PLAG1: variants seen among roughly 807,000 people sequenced by gnomAD.
The protein encoded by PLAG1 is PLAG1 zinc finger.
PLAG1 carries 7 observed loss-of-function variants against 35.5 expected under a neutral mutation model. That is an observed-to-expected ratio of 0.20 (90% CI 0.11 to 0.37). PLAG1 has a LOEUF of 0.37. Among genes scored for constraint, PLAG1 ranks in the 10% least tolerant of loss-of-function variants. The pLI, the probability that PLAG1 is intolerant of heterozygous loss-of-function variation, is 1.00. For missense variants in PLAG1, 454 were observed against 602.8 expected (o/e 0.75, Z 2.58); for synonymous variants, 229 against 225.4 (o/e 1.02, Z -0.14).
At chr8:56,193,706 T>C (rs1812258966) in intron 1 of PLAG1, among the ~76,000 whole-genome samples, 1 of 150,802 alleles carries the variant, frequency 6.6e-6, no homozygotes, top group Non-Finnish European at 1.5e-5. Context: ...TTTTTTTTTT[T>C]TTTTTTTTTG....
chr8:56,189,301 A>G (rs182487943), intron 1 of PLAG1, among the ~76,000 whole-genome samples: 12 of 152,308 alleles, frequency 7.9e-5, no homozygotes, highest in African/African-American at 2.4e-4. Flanking sequence ...TCCTGCAATC[A>G]AGAAGACATT....
At position 56,167,880 on chromosome 8, in the gene PLAG1, C is replaced by A; in HGVS notation, c.242+148G>T. 1.8e-6 allele frequency: 1 copy of A among 552,106 alleles called. No individual in the cohort carries two copies. The allele number at this position is 552,106 out of a possible 1,614,324, so 34.2% of individuals were successfully genotyped here. A position where few individuals can be genotyped will look rare whatever the true frequency, so the allele number is the denominator to read the frequency against. On this transcript the variant is annotated intron_variant, in intron 4 of 4. Transcript: ENST00000316981. The surrounding 1 kb of genome is among the most constrained non-coding windows in gnomAD (Gnocchi z 5.9). ...ACATAAAAGTATGTGATTTAGAATA[C>A]TAAAAACTAAACCAATGTCTAATCT...
At chr8:56,170,566 T>C (rs946483993) in intron 3 of PLAG1, among the ~76,000 whole-genome samples, 2 of 152,232 alleles carry the variant, frequency 1.3e-5, no homozygotes, top group Non-Finnish European at 2.9e-5. Context: ...CATTTCCCAA[T>C]TGCAGAATCT....
Position 56,165,998 on chromosome 8 carries a change from A to ATG in PLAG1, c.*244_*245insCA. The ATG allele has an allele frequency of 3.6e-6, 1 of 276,894 alleles. No individual in the cohort carries two copies. 17.2% of individuals were successfully genotyped at this position (276,894 alleles called of 1,614,324 possible). Reference sequence around the variant, plus strand: ...TAATGGCTTTCCTATATGGAAAAAAAAAAGTCTTAAAATGTGACAATTGGC... The same window carrying ATG: ...TAATGGCTTTCCTATATGGAAAAAAATGAAAGTCTTAAAATGTGACAATTGGC... On this transcript the variant is annotated 3_prime_UTR_variant, in exon 5 of 5. Coordinates refer to ENST00000316981, the MANE Select transcript of PLAG1 (RefSeq NM_002655.3).
intron 2 of PLAG1, among the ~76,000 whole-genome samples, chr8:56,174,001 G>A (rs369391072): frequency 1.3e-5 from 2 of 152,242 alleles, no homozygotes; most frequent in East Asian, 3.9e-4. Flanking sequence ...AAATTCCATA[G>A]TTCTGATAAT....
intron 1 of PLAG1, among the ~76,000 whole-genome samples, chr8:56,185,833 C>T (rs1812001736): frequency 1.3e-5 from 2 of 152,258 alleles, no homozygotes; most frequent in Middle Eastern, 3.4e-3. Context: ...GGAAGTACCC[C>T]CTGAAGTGTT....
chr8:56,199,098 G>A (rs1272289117), intron 1 of PLAG1, among the ~76,000 whole-genome samples: 2 of 152,238 alleles, frequency 1.3e-5, no homozygotes, highest in Non-Finnish European at 1.5e-5. Context: ...GGGAACGGGT[G>A]CTCAGGAAAA....
In PLAG1 at chr8:56,193,920, A is replaced by G. The variant is rs557794070; in HGVS notation, c.-321-14407T>C. ...TTTTTAGTAGAGATGGGGTTTCACC[A>G]TGTTAGCCAGGATGGTCTCGATCTC... On this transcript the variant is annotated intron_variant, in intron 1 of 4. Transcript: ENST00000316981. Among the ~76,000 whole-genome samples, 3 of 152,102 alleles carry G rather than the reference A, an allele frequency of 2.0e-5. No individual in the cohort carries two copies. The South Asian group carries it at 6.2e-4, about 31-fold the overall frequency.
chr8:56,190,607 G>A (rs941065659), intron 1 of PLAG1, among the ~76,000 whole-genome samples: 2 of 152,142 alleles, frequency 1.3e-5, no homozygotes, highest in African/African-American at 2.4e-5. Flanking sequence ...GCTATCAGCT[G>A]AAGGGGAAGG....
rs1226299467 is a variant in PLAG1, at chr8:56,163,297, A to G, written c.*2946T>C. On this transcript the variant is annotated 3_prime_UTR_variant, in exon 5 of 5. Transcript: ENST00000316981. ...AATGATTCTGGCCACTAGAGAATGA[A>G]AACAGCATTGGCAATACTTATTTTT... The G allele has an allele frequency of 5.2e-6, 1 of 193,000 alleles. No individual in the cohort carries two copies. Among genetic ancestry groups the G allele is most frequent in the African/African-American group, 2.4e-5 (1 of 42,440 alleles). The allele number at this position is 193,000 out of a possible 1,614,324, so 12.0% of individuals were successfully genotyped here.
Position 56,179,023 on chromosome 8 carries a change from C to CAAA in PLAG1, c.-217+383_-217+385dup, listed in dbSNP as rs1173709224. On this transcript the variant is annotated intron_variant, in intron 2 of 4. Transcript: ENST00000316981. ...AGGTAATAGGATCCCGCCCAGGAGA[C>CAAA]AAAAAAAAAAAAAAAAAAAAAAAAA... 6.1e-4 allele frequency among the ~76,000 whole-genome samples: 26 copies of CAAA among 42,936 alleles called. 1 individual carries two copies. The highest frequency in any genetic ancestry group is 1.1e-3 in the African/African-American group (12 of 11,128). The allele number at this position is 42,936 out of a possible 152,430, so 28.2% of individuals were successfully genotyped here.
chr8:56,164,303 A>T lies in PLAG1; in HGVS notation c.*1940T>A. 1 of 217,708 alleles carries T rather than the reference A, an allele frequency of 4.6e-6. No individual in the cohort carries two copies. Among genetic ancestry groups the T allele is most frequent in the Non-Finnish European group, 9.2e-6 (1 of 108,170 alleles). 13.5% of individuals were successfully genotyped at this position (217,708 alleles called of 1,614,324 possible). A position where few individuals can be genotyped will look rare whatever the true frequency, so the allele number is the denominator to read the frequency against. On this transcript the variant is annotated 3_prime_UTR_variant, in exon 5 of 5. Transcript: ENST00000316981. ...TTCAGAGAGCAACTTTGATTCTATG[A>T]AGTGCGGTATGTGTGCATGTGTGTG...
intron 1 of PLAG1, among the ~76,000 whole-genome samples, chr8:56,183,312 T>A (rs1441374285): frequency 6.6e-6 from 1 of 152,226 alleles, no homozygotes; most frequent in Non-Finnish European, 1.5e-5. Flanking sequence ...AGTATAAAGA[T>A]GTTCAAAGTA....
intron 1 of PLAG1, among the ~76,000 whole-genome samples, chr8:56,210,083 T>G (rs1181699756): frequency 6.6e-6 from 1 of 152,052 alleles, no homozygotes; most frequent in African/African-American, 2.4e-5. Context: ...CTGCTTCTCT[T>G]GCATCGGATT....
intron 2 of PLAG1, among the ~76,000 whole-genome samples, chr8:56,173,366 ATC>A (rs1303426461): frequency 6.6e-6 from 1 of 152,072 alleles, no homozygotes; most frequent in Non-Finnish European, 1.5e-5. Flanking sequence ...TCTACTAAAT[ATC>A]TCCCCCCAAA....
At chr8:56,171,238 G>GTAAA (rs1398396682) in intron 2 of PLAG1, 49 bp from the exon 3 acceptor site, 1 of 300,866 alleles carries the variant, frequency 3.3e-6, no homozygotes, top group Non-Finnish European at 4.9e-6. Context: ...GAACCGGTAT[G>GTAAA]TAAATGATGG....
intron 1 of PLAG1, among the ~76,000 whole-genome samples, chr8:56,201,500 T>A (rs1317052809): frequency 6.6e-6 from 1 of 152,200 alleles, no homozygotes; most frequent in Non-Finnish European, 1.5e-5. Flanking sequence ...TAAGTTGACA[T>A]TTAGCACTTT....
chr8:56,169,527 G>C (rs1811455524), intron 3 of PLAG1, among the ~76,000 whole-genome samples: 1 of 151,904 alleles, frequency 6.6e-6, no homozygotes, highest in African/African-American at 2.4e-5. Flanking sequence ...GTTTATAAAG[G>C]CTAGTTGAGT....
At position 56,162,672 on chromosome 8, in the gene PLAG1, A is replaced by G. The variant is rs960425465; in HGVS notation, c.*3571T>C. On this transcript the variant is annotated 3_prime_UTR_variant, in exon 5 of 5. Transcript: ENST00000316981. ...TGACCAAGCTCTATTTTTTAAAAAAATATTGGCCTATAATATGTGTATTGC... is the reference window on the plus strand; with the variant it reads ...TGACCAAGCTCTATTTTTTAAAAAAGTATTGGCCTATAATATGTGTATTGC... 1.4e-5 allele frequency: 3 copies of G among 210,366 alleles called. No individual in the cohort carries two copies. The highest frequency in any genetic ancestry group is 2.3e-5 in the African/African-American group (1 of 44,042). 13.0% of individuals were successfully genotyped at this position (210,366 alleles called of 1,614,324 possible).
Sources: gnomAD v4.1 joint callset for allele counts (sites outside exome capture counted in the v4.1 genomes callset) on GRCh38, gnomAD v4.1.1 for gene constraint, Gnocchi (gnomAD v3.1) non-coding constraint, MANE v1.5 for transcripts, NCBI Gene and HGNC (gene_info 2026-07-23, HGNC 2026-07-21) for gene names.